The following SYCP2L variants were observed in gnomAD, a reference collection of about 807,000 sequenced individuals.
SYCP2L encodes synaptonemal complex protein 2 like, also known as synaptonemal complex protein 2-like.
Under a neutral mutation model 125.8 loss-of-function variants are expected in SYCP2L, and 98 were observed. The observed-to-expected ratio is 0.78, with a 90% confidence interval of 0.66 to 0.92. SYCP2L has a LOEUF of 0.92. Among genes scored for constraint, SYCP2L ranks in the 40% least tolerant of loss-of-function variants. The pLI is 0.00. For synonymous variants in SYCP2L, 317 were observed against 325.4 expected (o/e 0.97, Z 0.28); for missense variants, 842 against 936.4 (o/e 0.90, Z 1.32).
At chr6:10,917,371 G>A (rs1397111976) in intron 14 of SYCP2L, among the ~76,000 whole-genome samples, 4 of 152,100 alleles carry the variant, frequency 2.6e-5, no homozygotes, top group Non-Finnish European at 5.9e-5. Context: ...TTTTTCTGTT[G>A]GACAAGGCCT....
At chr6:10,950,099 C>T (rs2081858328) in intron 23 of SYCP2L, among the ~76,000 whole-genome samples, 1 of 152,106 alleles carries the variant, frequency 6.6e-6, no homozygotes, top group Non-Finnish European at 1.5e-5. Context: ...GAAGAAGGAC[C>T]TTTGAGCACT....
chr6:10,941,929 A>C (rs1781228022), intron 21 of SYCP2L, among the ~76,000 whole-genome samples: 1 of 152,118 alleles, frequency 6.6e-6, no homozygotes, highest in Non-Finnish European at 1.5e-5. Flanking sequence ...GATAGACTGG[A>C]TTAAGAAAAT....
intron 9 of SYCP2L, 23 bp downstream of exon 9, chr6:10,906,077 G>A (rs752169783): frequency 3.3e-6 from 5 of 1,500,494 alleles, no homozygotes; most frequent in African/African-American, 2.7e-5. Context: ...AGAATTTTCA[G>A]TATTAGAATA....
intron 20 of SYCP2L, among the ~76,000 whole-genome samples, chr6:10,932,744 C>T (rs1487149363): frequency 1.3e-5 from 2 of 152,068 alleles, no homozygotes; most frequent in Non-Finnish European, 2.9e-5. Flanking sequence ...CAAAGAAATA[C>T]CACAGCTTCA....
chr6:10,887,180 G>C, intron 1 of SYCP2L, 45 bp downstream of exon 1: 2 of 1,611,076 alleles, frequency 1.2e-6, no homozygotes, highest in South Asian at 1.1e-5. Flanking sequence ...CACAGTGCTA[G>C]GGCGCGCGAG....
intron 14 of SYCP2L, among the ~76,000 whole-genome samples, chr6:10,922,319 G>A (rs13192148): frequency 0.23 from 35,290 of 152,066 alleles, 4,470 homozygotes; most frequent in Non-Finnish European, 0.29. Context: ...AGTAAATTCC[G>A]TAAGTAAGAC....
At position 10,932,530 on chromosome 6, in the gene SYCP2L, G is replaced by A. The variant is rs538392023; in HGVS notation, c.1683+1041G>A. On this transcript the variant is annotated intron_variant, in intron 20 of 29. Transcript: ENST00000283141. ...TTAGGGTTTTAATCACATCTTCATC[G>A]TCTGTCTTCCATCAGCCTGGAGTGT... Among the ~76,000 whole-genome samples the A allele has an allele frequency of 5.9e-4, 90 of 152,024 alleles. No homozygotes were observed. The South Asian group carries it at 0.018, about 30-fold the overall frequency.
rs139240260 is a variant in SYCP2L at position 10,917,134 on chromosome 6, A to G, written c.1072+4207A>G. Among the ~76,000 whole-genome samples the G allele has an allele frequency of 3.2e-3, 487 of 152,276 alleles. 1 individual carries two copies. The highest frequency in any genetic ancestry group is 0.017 in the Middle Eastern group (5 of 294). On this transcript the variant is annotated intron_variant, in intron 14 of 29. Coordinates refer to ENST00000283141, the MANE Select transcript of SYCP2L (RefSeq NM_001040274.3). ...GTATATTCTGCGGTTGTTGGATGGA[A>G]TGTTCTGTATGTATCTGTTAAGTTC...
chr6:10,970,830 G>A (rs1233492355), intron 29 of SYCP2L, among the ~76,000 whole-genome samples: 2 of 152,140 alleles, frequency 1.3e-5, no homozygotes, highest in East Asian at 1.9e-4. Flanking sequence ...TAGGGACTCA[G>A]TATAGAGAGG....
chr6:10,922,869 A>G (rs1307729065), intron 14 of SYCP2L: 1 of 152,198 alleles, frequency 6.6e-6, no homozygotes, highest in Non-Finnish European at 1.5e-5. Flanking sequence ...AGATTAAAAA[A>G]GTAGATTAAG....
chr6:10,927,223 T>C lies in SYCP2L; in HGVS notation c.1313-17T>C. 1.2e-6 allele frequency: 2 copies of C among 1,613,556 alleles called. No individual in the cohort carries two copies. Among genetic ancestry groups the C allele is most frequent in the East Asian group, 2.2e-5 (1 of 44,882 alleles). Reference sequence around the variant, plus strand: ...TGTGCACGGTTATTATATTAGTCTTTTTCTTAATTTGTATAGAGCAGGCAG... The same window carrying C: ...TGTGCACGGTTATTATATTAGTCTTCTTCTTAATTTGTATAGAGCAGGCAG... On this transcript the variant is annotated splice_polypyrimidine_tract_variant and intron_variant, in intron 16 of 29. Transcript: ENST00000283141.
At chr6:10,944,145 C>A (rs964738760) in intron 23 of SYCP2L, among the ~76,000 whole-genome samples, 5 of 152,142 alleles carry the variant, frequency 3.3e-5, no homozygotes, top group African/African-American at 1.2e-4. Context: ...GTGACTGTAT[C>A]TTTTACTTTT....
chr6:10,891,435 T>TTGG, intron 1 of SYCP2L, 78 bp from the exon 2 acceptor site: 2 of 860,570 alleles, frequency 2.3e-6, no homozygotes, highest in Non-Finnish European at 3.4e-6. Flanking sequence ...TTTTTTTTTT[T>TTGG]TTTGCTTTGT....
At position 10,899,447 on chromosome 6, in the gene SYCP2L, G is replaced by T. The variant is rs540087790; in HGVS notation, c.466+599G>T. On this transcript the variant is annotated intron_variant, in intron 6 of 29. Transcript: ENST00000283141. Reference sequence around the variant, plus strand: ...CCTGTAGTCCCAGCTACTTGGGAGGGTGAGGTGGGAGGATCACTTGAGCCC... The same window carrying T: ...CCTGTAGTCCCAGCTACTTGGGAGGTTGAGGTGGGAGGATCACTTGAGCCC... Among the ~76,000 whole-genome samples the T allele has an allele frequency of 3.3e-5, 5 of 152,186 alleles. No homozygotes were observed. In the East Asian group the frequency reaches 9.7e-4, roughly 29 times the overall value.
chr6:10,935,589 C>A (rs113288659), intron 21 of SYCP2L, among the ~76,000 whole-genome samples: 3,368 of 151,856 alleles, frequency 0.022, 116 homozygotes, highest in African/African-American at 0.067. Context: ...CAATGGTGTG[C>A]TCCTGGCTCA....
At chr6:10,940,918 T>C (rs1781206097) in intron 21 of SYCP2L, among the ~76,000 whole-genome samples, 1 of 152,120 alleles carries the variant, frequency 6.6e-6, no homozygotes, top group Admixed American at 6.5e-5. Flanking sequence ...CCTGCCCGTG[T>C]TATTTGAGGC....
intron 9 of SYCP2L, among the ~76,000 whole-genome samples, chr6:10,906,833 C>G (rs28575142): frequency 6.6e-6 from 1 of 151,306 alleles, no homozygotes; most frequent in African/African-American, 2.4e-5. Context: ...TCCTGACCTC[C>G]GGTGATCCTC....
At position 10,961,509 on chromosome 6, in the gene SYCP2L, G is replaced by A; in HGVS notation, c.2365G>A (p.Gly789Arg). 1.2e-6 allele frequency: 2 copies of A among 1,614,150 alleles called. No individual in the cohort carries two copies. The highest frequency in any genetic ancestry group is 1.7e-6 in the Non-Finnish European group (2 of 1,180,012). Residue 789 changes from glycine to arginine, a missense_variant, in exon 28 of 30, where the codon GGG becomes AGG. Gly to Arg is a moderately radical substitution (Grantham distance 125, BLOSUM62 -2). Transcript: ENST00000283141. ...TTTTGTTCAATCTTAGGAATTCTGG[G>A]GGAAACAGTCTGCTGATCTGCAATC... ...HLEKEVLEFW[G>R]KQSADLQSFC...
intron 2 of SYCP2L, among the ~76,000 whole-genome samples, chr6:10,892,579 G>A (rs1203791422): frequency 1.3e-5 from 2 of 152,180 alleles, no homozygotes; most frequent in Non-Finnish European, 2.9e-5. Flanking sequence ...GATTACAGGC[G>A]TGAGCCCTGC....
Sources: gnomAD v4.1 joint callset for allele counts (sites outside exome capture counted in the v4.1 genomes callset) on GRCh38, gnomAD v4.1.1 for gene constraint, MANE v1.5 for transcripts, NCBI Gene and HGNC (gene_info 2026-07-23, HGNC 2026-07-21) for gene names.